The following NPEPPS variants were observed in gnomAD, a reference collection of about 807,000 sequenced individuals.
NPEPPS encodes the protein aminopeptidase puromycin sensitive, also known as puromycin-sensitive aminopeptidase.
A neutral mutation model predicts 115.5 loss-of-function variants in NPEPPS; 14 were observed. The ratio of observed to expected loss-of-function variants is 0.12; its 90% confidence interval spans 0.08 to 0.19. The LOEUF (loss-of-function observed/expected upper bound fraction) is 0.19. NPEPPS is among the 10% of genes least tolerant of loss of function. NPEPPS has a pLI of 1.00. For synonymous variants in NPEPPS, 285 were observed against 390.6 expected (o/e 0.73, Z 3.19); for missense variants, 523 against 1,110.8 (o/e 0.47, Z 7.52).
chr17:47,537,510 G>A (rs1258282735), intron 1 of NPEPPS, among the ~76,000 whole-genome samples: 2 of 152,116 alleles, frequency 1.3e-5, no homozygotes, highest in Non-Finnish European at 2.9e-5. Flanking sequence ...TGGACAACAT[G>A]GTGAAACCCC....
At chr17:47,617,876 A>AT (rs67114322) in intron 19 of NPEPPS, among the ~76,000 whole-genome samples, 11 of 150,432 alleles carry the variant, frequency 7.3e-5, no homozygotes, top group Admixed American at 2.0e-4. Context: ...CCAAAGCATC[A>AT]TTTTTTTTTT....
At chr17:47,547,543 G>C (rs1204187264) in intron 2 of NPEPPS, among the ~76,000 whole-genome samples, 1 of 151,860 alleles carries the variant, frequency 6.6e-6, no homozygotes, top group Non-Finnish European at 1.5e-5. Flanking sequence ...TATAGATATG[G>C]GGGGGTGGTC....
At chr17:47,595,981 C>CAAA (rs34457526) in intron 12 of NPEPPS, 40 of 38,580 alleles carry the variant, frequency 1.0e-3, no homozygotes, top group African/African-American at 2.9e-3. Flanking sequence ...GACTCCATCT[C>CAAA]AAAAAAAAAA....
chr17:47,534,065 T>G (rs1908013961), intron 1 of NPEPPS, among the ~76,000 whole-genome samples: 1 of 152,170 alleles, frequency 6.6e-6, no homozygotes, highest in Non-Finnish European at 1.5e-5. Flanking sequence ...TTAGGTGGTA[T>G]CTTGTGGGCA....
chr17:47,600,339 A>G (rs1349640958), intron 14 of NPEPPS, among the ~76,000 whole-genome samples: 1 of 152,094 alleles, frequency 6.6e-6, no homozygotes, highest in Non-Finnish European at 1.5e-5. Flanking sequence ...TGGGAGCCTG[A>G]GTTGGAGAAT....
intron 17 of NPEPPS, among the ~76,000 whole-genome samples, chr17:47,608,740 T>G: frequency 6.6e-6 from 1 of 151,686 alleles, no homozygotes; most frequent in East Asian, 1.9e-4. Context: ...GCCAGTGAGG[T>G]AGAAGGAGAG....
chr17:47,602,226 A>T (rs370273082), intron 15 of NPEPPS, among the ~76,000 whole-genome samples: 42 of 152,202 alleles, frequency 2.8e-4, no homozygotes, highest in African/African-American at 1.0e-3. Flanking sequence ...ATTTTTCATT[A>T]TTCTGTACTC....
At chr17:47,614,881 A>G (rs1914090808) in intron 19 of NPEPPS, among the ~76,000 whole-genome samples, 1 of 152,220 alleles carries the variant, frequency 6.6e-6, no homozygotes, top group Admixed American at 6.5e-5. Context: ...CTTCTGACTT[A>G]CAGGGAGTTC....
At position 47,596,453 on chromosome 17, in the gene NPEPPS, A is replaced by C. The variant is rs919330065; in HGVS notation, c.1527A>C (p.Glu509Asp). 2 of 1,567,800 alleles carry C rather than the reference A, an allele frequency of 1.3e-6. No homozygotes were observed. Among genetic ancestry groups the C allele is most frequent in the Non-Finnish European group, 1.7e-6 (2 of 1,150,236 alleles). Reference sequence around the variant, plus strand: ...TGGGATTTCCCCTCATTTATGTGGAAGCTGAACAGGTAAACATATAAAGTC... The same window carrying C: ...TGGGATTTCCCCTCATTTATGTGGACGCTGAACAGGTAAACATATAAAGTC... Reference protein sequence around the residue: ...KQMGFPLIYVEAEQVEDDRLL... With the variant: ...KQMGFPLIYVDAEQVEDDRLL... The change falls in exon 13 of 23, where the codon GAA becomes GAC. Residue 509 changes from glutamate to aspartate, a missense_variant. Glu to Asp is a conservative substitution (Grantham distance 45). This residue lies in a region of NPEPPS where 372 missense variants were observed against 542.6 expected (regional missense o/e 0.69). Coordinates refer to ENST00000322157, the MANE Select transcript of NPEPPS (RefSeq NM_006310.4).
At chr17:47,528,866 C>T (rs1015353381), upstream of NPEPPS, among the ~76,000 whole-genome samples, 6 of 151,882 alleles carry the variant, frequency 4.0e-5, no homozygotes, top group African/African-American at 1.5e-4. Context: ...GAACTCCTGA[C>T]CTCAGGTTAT....
chr17:47,587,126 T>C, intron 8 of NPEPPS, 104 bp from the exon 9 acceptor site: 3 of 1,093,636 alleles, frequency 2.7e-6, no homozygotes, highest in Non-Finnish European at 2.5e-6. Context: ...CTAATATCTC[T>C]AAAGCCTAAC....
chr17:47,558,801 G>T (rs1286500453), intron 2 of NPEPPS, among the ~76,000 whole-genome samples: 1 of 152,098 alleles, frequency 6.6e-6, no homozygotes, highest in South Asian at 2.1e-4. Context: ...TTGGGAGGCC[G>T]AGGTGGGTGG....
chr17:47,548,647 G>A (rs1357567592), intron 2 of NPEPPS, among the ~76,000 whole-genome samples: 1 of 142,292 alleles, frequency 7.0e-6, no homozygotes, highest in Admixed American at 7.7e-5. Context: ...AACGATCTCG[G>A]CTTGCTGCAA....
At chr17:47,575,602 A>G (rs1421828911) in intron 3 of NPEPPS, among the ~76,000 whole-genome samples, 1 of 148,144 alleles carries the variant, frequency 6.8e-6, no homozygotes, top group Non-Finnish European at 1.5e-5. Context: ...TATTATTATT[A>G]TTATTATTAT....
chr17:47,596,456 T>C lies in NPEPPS; in HGVS notation c.1530T>C (p.Ala510=). The change falls in exon 13 of 23, where the codon GCT becomes GCC. Residue 510 remains alanine (A), a synonymous_variant. Coordinates refer to ENST00000322157, the MANE Select transcript of NPEPPS (RefSeq NM_006310.4). The stretch of plus-strand genomic sequence containing the variant: ...GATTTCCCCTCATTTATGTGGAAGC[T>C]GAACAGGTAAACATATAAAGTCTTT... The part of the protein sequence containing the change: ...QMGFPLIYVE[A]EQVEDDRLLR... The C allele has an allele frequency of 6.4e-7, 1 of 1,561,098 alleles. No homozygotes were observed. The highest frequency in any genetic ancestry group is 8.7e-7 in the Non-Finnish European group (1 of 1,145,240).
At chr17:47,609,961 TTCA>T (rs1913741768) in intron 17 of NPEPPS, among the ~76,000 whole-genome samples, 1 of 152,208 alleles carries the variant, frequency 6.6e-6, no homozygotes, top group Non-Finnish European at 1.5e-5. Flanking sequence ...ACTGCTGCAA[TTCA>T]TCAGATTTGT....
At chr17:47,568,375 T>A (rs910021959) in intron 2 of NPEPPS, among the ~76,000 whole-genome samples, 3 of 152,178 alleles carry the variant, frequency 2.0e-5, no homozygotes, top group African/African-American at 7.2e-5. Context: ...TTCGCCATGT[T>A]GGCCAGGCTG....
chr17:47,618,530 T>C (rs1446898248), intron 20 of NPEPPS, 73 bp downstream of exon 20: 2 of 1,052,884 alleles, frequency 1.9e-6, no homozygotes, highest in Non-Finnish European at 2.9e-6. Context: ...GATTCAGCTC[T>C]GATCCTCTTG....
Position 47,622,022 on chromosome 17 carries a change from C to T in NPEPPS, c.*102C>T, listed in dbSNP as rs1488837457. ...ATGCCAAGAATTTGGAGTCTTCTTT[C>T]AAACCAGTGGGGGTTGGACAATGAA... On this transcript the variant is annotated 3_prime_UTR_variant, in exon 23 of 23. Coordinates refer to ENST00000322157, the MANE Select transcript of NPEPPS (RefSeq NM_006310.4). 1.4e-6 allele frequency: 2 copies of T among 1,403,698 alleles called. No homozygotes were observed. The highest frequency in any genetic ancestry group is 9.4e-7 in the Non-Finnish European group (1 of 1,069,514). The allele number at this position is 1,403,698 out of a possible 1,614,324, so 87.0% of individuals were successfully genotyped here. A position where few individuals can be genotyped will look rare whatever the true frequency, so the allele number is the denominator to read the frequency against.
Sources: gnomAD v4.1 joint callset for allele counts (sites outside exome capture counted in the v4.1 genomes callset) on GRCh38, gnomAD v4.1.1 for gene constraint, gnomAD v4.1.1 regional missense constraint, MANE v1.5 for transcripts, NCBI Gene and HGNC (gene_info 2026-07-23, HGNC 2026-07-21) for gene names.